RBMS3: variants seen among roughly 807,000 people sequenced by gnomAD.
RBMS3 encodes RNA binding motif single stranded interacting protein 3.
Under a neutral mutation model 66.8 loss-of-function variants are expected in RBMS3, and 27 were observed. That is an observed-to-expected ratio of 0.40 (90% confidence interval 0.30 to 0.56). RBMS3 has a LOEUF of 0.56. Ranked by LOEUF, RBMS3 falls within the 20% of genes least tolerant of loss-of-function variation. RBMS3 has a pLI of 0.40. For synonymous variants in RBMS3, 188 were observed against 183.0 expected, an observed-to-expected ratio of 1.03 and a Z score of -0.22; for missense variants, 513 against 549.5, an observed-to-expected ratio of 0.93 and a Z score of 0.66.
intron 6 of RBMS3, among the ~76,000 whole-genome samples, chr3:29,854,949 G>C (rs1288992851): frequency 6.6e-6 from 1 of 152,130 alleles, no homozygotes; most frequent in Non-Finnish European, 1.5e-5. Flanking sequence ...GAAATAAAAT[G>C]AGAGGCATAG....
At chr3:29,931,137 A>T (rs2061110165) in intron 10 of RBMS3, among the ~76,000 whole-genome samples, 1 of 152,174 alleles carries the variant, frequency 6.6e-6, no homozygotes, top group Non-Finnish European at 1.5e-5. Context: ...GTAAATATTT[A>T]CAGTTTGTCA....
At chr3:29,659,369 T>C (rs1010892493) in intron 4 of RBMS3, among the ~76,000 whole-genome samples, 15 of 152,126 alleles carry the variant, frequency 9.9e-5, no homozygotes, top group African/African-American at 1.7e-4. Flanking sequence ...TCCATACCCA[T>C]TGAACAATAA....
rs1336242611 is a variant in RBMS3 at position 29,295,326 on chromosome 3, TACAC to T, written c.75+13576_75+13579del. Among the ~76,000 whole-genome samples, 48 of 141,780 alleles carry T rather than the reference TACAC, an allele frequency of 3.4e-4. 2 individuals are homozygous for T. The highest frequency in any genetic ancestry group is 8.8e-4 in the South Asian group (4 of 4,568). 93.0% of individuals were successfully genotyped at this position (141,780 alleles called of 152,430 possible). ...ATATCTATATATATACATATATATATACACACACATATATATATACATATATATA... is the reference window on the plus strand; with the variant it reads ...ATATCTATATATATACATATATATATACACATATATATATACATATATATA... On this transcript the variant is annotated intron_variant, in intron 1 of 14. Transcript: ENST00000383767.
chr3:29,557,472 C>T (rs765919787), intron 3 of RBMS3, among the ~76,000 whole-genome samples: 2 of 152,144 alleles, frequency 1.3e-5, no homozygotes, highest in South Asian at 2.1e-4. Flanking sequence ...ACAAGTAAGA[C>T]GCTTAGGTAG....
intron 4 of RBMS3, among the ~76,000 whole-genome samples, chr3:29,603,629 GCTTC>G (rs1429340723): frequency 6.6e-6 from 1 of 151,922 alleles, no homozygotes. Context: ...TTTCTTTCTA[GCTTC>G]CTTTATTGAT....
At chr3:29,779,656 G>C (rs545020085) in intron 6 of RBMS3, among the ~76,000 whole-genome samples, 74 of 140,962 alleles carry the variant, frequency 5.2e-4, no homozygotes, top group Non-Finnish European at 1.0e-3. Context: ...ATATAAAAAA[G>C]TCACATCTAC....
chr3:29,595,242 C>G (rs928280977), intron 4 of RBMS3, among the ~76,000 whole-genome samples: 13 of 151,352 alleles, frequency 8.6e-5, no homozygotes, highest in African/African-American at 3.2e-4. Flanking sequence ...ACTAAAAATA[C>G]AAAAAAATTA....
At chr3:29,741,237 G>C (rs2054630137) in intron 5 of RBMS3, among the ~76,000 whole-genome samples, 2 of 152,148 alleles carry the variant, frequency 1.3e-5, no homozygotes, top group South Asian at 4.1e-4. Flanking sequence ...CAAGGTACAT[G>C]CTTGATGATT....
intron 1 of RBMS3, among the ~76,000 whole-genome samples, chr3:29,334,501 T>C (rs1048764944): frequency 6.6e-6 from 1 of 152,174 alleles, no homozygotes; most frequent in Admixed American, 6.6e-5. Flanking sequence ...TTAAGCTTAA[T>C]AGTTTAATTT....
intron 3 of RBMS3, among the ~76,000 whole-genome samples, chr3:29,549,142 A>T (rs1177854637): frequency 1.5e-5 from 2 of 135,892 alleles, no homozygotes; most frequent in Non-Finnish European, 3.1e-5. Flanking sequence ...GCTTACTTGA[A>T]TTTTCTTGCT....
chr3:29,853,336 T>C (rs1449128240), intron 6 of RBMS3, among the ~76,000 whole-genome samples: 1 of 151,974 alleles, frequency 6.6e-6, no homozygotes, highest in East Asian at 1.9e-4. Context: ...AAACTTAAAA[T>C]TGGTAACTAT....
chr3:29,686,943 C>T (rs1417933186), intron 4 of RBMS3, among the ~76,000 whole-genome samples: 1 of 152,064 alleles, frequency 6.6e-6, no homozygotes, highest in South Asian at 2.1e-4. Flanking sequence ...GTAAACATAG[C>T]CCTTATCTTT....
chr3:29,440,739 A>T (rs2041588413), intron 2 of RBMS3, among the ~76,000 whole-genome samples: 1 of 152,186 alleles, frequency 6.6e-6, no homozygotes, highest in African/African-American at 2.4e-5. Flanking sequence ...TGGATGTCTC[A>T]TTATAGTGCG....
intron 3 of RBMS3, among the ~76,000 whole-genome samples, chr3:29,520,949 C>T (rs963666985): frequency 9.0e-4 from 137 of 152,194 alleles, no homozygotes; most frequent in African/African-American, 3.1e-3. Context: ...GTGCTTTCCA[C>T]GGAGAGTCTC....
intron 6 of RBMS3, among the ~76,000 whole-genome samples, chr3:29,824,350 A>G (rs2058150962): frequency 6.6e-6 from 1 of 152,128 alleles, no homozygotes; most frequent in Admixed American, 6.6e-5. Flanking sequence ...TGAATCTGCT[A>G]CTGCCTCCAT....
In RBMS3 at chr3:29,434,881, A is replaced by G; in HGVS notation, c.214A>G (p.Thr72Ala). Residue 72 changes from threonine to alanine, a missense_variant, in exon 2 of 15, where the codon ACC becomes GCC. Transcript: ENST00000383767. ...NLYIRGLPPG[T>A]TDQDLIKLCQ... ...GTACATTCGAGGCCTCCCACCAGGC[A>G]CCACTGACCAGGACCTAATCAAGCT... 1 of 1,614,054 alleles carries G rather than the reference A, an allele frequency of 6.2e-7. No homozygotes were observed. The highest frequency in any genetic ancestry group is 2.2e-5 in the East Asian group (1 of 44,864).
chr3:29,332,515 C>G (rs561144025), intron 1 of RBMS3, among the ~76,000 whole-genome samples: 2 of 152,124 alleles, frequency 1.3e-5, no homozygotes, highest in African/African-American at 4.8e-5. Flanking sequence ...TGGAATTACC[C>G]TGGGCACCAA....
At chr3:29,575,283 GT>G (rs746440704) in intron 3 of RBMS3, among the ~76,000 whole-genome samples, 114 of 145,596 alleles carry the variant, frequency 7.8e-4, no homozygotes, top group South Asian at 2.2e-3. Context: ...AAGGGTAAAA[GT>G]TTTTTTTTTT....
At chr3:29,808,367 G>A (rs1225229295) in intron 6 of RBMS3, among the ~76,000 whole-genome samples, 2 of 151,792 alleles carry the variant, frequency 1.3e-5, no homozygotes, top group African/African-American at 2.4e-5. Flanking sequence ...TGTATCTAAT[G>A]TAGAATTGAT....
Sources: gnomAD v4.1 joint callset for allele counts (sites outside exome capture counted in the v4.1 genomes callset) on GRCh38, gnomAD v4.1.1 for gene constraint, MANE v1.5 for transcripts, NCBI Gene and HGNC (gene_info 2026-07-23, HGNC 2026-07-21) for gene names.